Variants in DYM observed in about 807,000 individuals in gnomAD.
The protein encoded by DYM is dymeclin.
In DYM, 78 loss-of-function variants were observed where a neutral mutation model predicts 93.1. The observed-to-expected ratio is 0.84, with a 90% CI of 0.70 to 1.01. DYM has a LOEUF of 1.01. Among genes scored for constraint, DYM ranks in the 50% least tolerant of loss-of-function variants. DYM has a pLI of 0.00. For missense variants in DYM, 789 were observed against 845.0 expected (o/e 0.93, Z 0.82); for synonymous variants, 321 against 319.7 (o/e 1.00, Z -0.04).
intron 11 of DYM, among the ~76,000 whole-genome samples, chr18:49,258,942 T>G (rs1325229033): frequency 6.9e-6 from 1 of 144,460 alleles, no homozygotes; most frequent in Non-Finnish European, 1.5e-5. Flanking sequence ...CAGCCAAATC[T>G]GGGCTGCCCC....
intron 1 of DYM, among the ~76,000 whole-genome samples, chr18:49,432,920 G>A (rs975139780): frequency 6.6e-5 from 10 of 152,112 alleles, no homozygotes; most frequent in Non-Finnish European, 1.5e-4. Context: ...AATTTAACTA[G>A]AAATCTATAG....
intron 16 of DYM, among the ~76,000 whole-genome samples, chr18:49,106,520 G>A (rs995881588): frequency 6.6e-6 from 1 of 152,182 alleles, no homozygotes; most frequent in Admixed American, 6.5e-5. Flanking sequence ...TTACAATTTG[G>A]CAAGTTTTTG....
At chr18:49,448,025 T>C (rs1304397582) in intron 1 of DYM, among the ~76,000 whole-genome samples, 1 of 152,104 alleles carries the variant, frequency 6.6e-6, no homozygotes, top group African/African-American at 2.4e-5. Flanking sequence ...CCTAGTGAAA[T>C]AGGAATCCTC....
intron 15 of DYM, among the ~76,000 whole-genome samples, chr18:49,159,174 A>G (rs1329032788): frequency 3.3e-5 from 5 of 152,230 alleles, no homozygotes; most frequent in African/African-American, 4.8e-5. Flanking sequence ...AAAACAATTG[A>G]CTGAAGATAG....
chr18:49,333,252 C>T lies in DYM; in HGVS notation c.620+476G>A, dbSNP rs34811226. Among the ~76,000 whole-genome samples, 1,431 of 152,274 alleles carry T rather than the reference C, an allele frequency of 9.4e-3. 13 individuals are homozygous for T. Among genetic ancestry groups the T allele is most frequent in the South Asian group, 0.035 (170 of 4,830 alleles). On this transcript the variant is annotated intron_variant, in intron 7 of 17. Transcript: ENST00000675505. ...GAGCATAGCCCCACAGTCTAACATG[C>T]CTGGCACATGGATAGCACACAGCAA...
In DYM at chr18:49,228,223, G is replaced by A. The variant is rs563953206; in HGVS notation, c.1461-18508C>T. Among the ~76,000 whole-genome samples, 207 of 152,210 alleles carry A rather than the reference G, an allele frequency of 1.4e-3. 1 individual carries two copies. The highest frequency in any genetic ancestry group is 4.8e-3 in the African/African-American group (201 of 41,534). ...ATGTTCCATATTCAATGATCCACAAGTCATCTTATGTATGGGAGTTCTATG... is the reference window on the plus strand; with the variant it reads ...ATGTTCCATATTCAATGATCCACAAATCATCTTATGTATGGGAGTTCTATG... On this transcript the variant is annotated intron_variant, in intron 13 of 17. Transcript: ENST00000675505.
intron 2 of DYM, among the ~76,000 whole-genome samples, chr18:49,423,530 G>C (rs1465452991): frequency 6.6e-6 from 1 of 152,134 alleles, no homozygotes. Context: ...CAGAAGGCAA[G>C]AAATAACTAA....
intron 6 of DYM, among the ~76,000 whole-genome samples, chr18:49,343,992 A>T (rs1415262959): frequency 6.6e-6 from 1 of 152,090 alleles, no homozygotes; most frequent in Non-Finnish European, 1.5e-5. Context: ...GAGCCACAGT[A>T]ACAGAACTAG....
chr18:49,104,044 G>T (rs1259602566), intron 16 of DYM, among the ~76,000 whole-genome samples: 1 of 152,150 alleles, frequency 6.6e-6, no homozygotes. Flanking sequence ...CTACCCATGA[G>T]CATGGAATGT....
chr18:49,055,483 G>A (rs994092163), intron 17 of DYM, among the ~76,000 whole-genome samples: 1 of 152,224 alleles, frequency 6.6e-6, no homozygotes, highest in Admixed American at 6.5e-5. Flanking sequence ...GGGAGAAGGA[G>A]AATATTTTGA....
intron 1 of DYM, among the ~76,000 whole-genome samples, chr18:49,455,522 T>G (rs181747516): frequency 6.6e-6 from 1 of 152,270 alleles, no homozygotes; most frequent in African/African-American, 2.4e-5. Context: ...TATATATTAG[T>G]CCCATTATAC....
intron 8 of DYM, among the ~76,000 whole-genome samples, chr18:49,315,043 A>G (rs2061837228): frequency 6.6e-6 from 1 of 152,078 alleles, no homozygotes; most frequent in Non-Finnish European, 1.5e-5. Context: ...GGCAAAACCC[A>G]GTCTCTACAA....
chr18:49,252,699 G>A (rs1281585115), intron 13 of DYM, among the ~76,000 whole-genome samples: 2 of 152,152 alleles, frequency 1.3e-5, no homozygotes, highest in African/African-American at 2.4e-5. Context: ...TGAGATACTA[G>A]AGAAAACTAC....
chr18:49,326,474 TA>T (rs561655910), intron 8 of DYM, among the ~76,000 whole-genome samples: 209 of 144,782 alleles, frequency 1.4e-3, no homozygotes, highest in Admixed American at 4.5e-3. Context: ...TTGAAAAGCT[TA>T]AAAAAAAAAA....
chr18:49,186,817 TA>T (rs1280864198), intron 14 of DYM, among the ~76,000 whole-genome samples: 1 of 151,972 alleles, frequency 6.6e-6, no homozygotes, highest in African/African-American at 2.4e-5. Context: ...TAAAAAATTA[TA>T]AATCCAACCA....
At chr18:49,398,543 G>T (rs529743729) in intron 2 of DYM, among the ~76,000 whole-genome samples, 1 of 152,354 alleles carries the variant, frequency 6.6e-6, no homozygotes, top group East Asian at 1.9e-4. Context: ...GGCAGAGAAA[G>T]CCAGTTAGTA....
chr18:49,203,243 C>A (rs1248858166), intron 14 of DYM, among the ~76,000 whole-genome samples: 2 of 62,780 alleles, frequency 3.2e-5, no homozygotes, highest in Admixed American at 1.4e-4. Context: ...GGTCAGCCCC[C>A]CCTGCCCGGC....
In DYM at chr18:49,195,916, C is replaced by CTTTTTT. The variant is rs540189318; in HGVS notation, c.1625+13629_1625+13634dup. Among the ~76,000 whole-genome samples the CTTTTTT allele has an allele frequency of 2.7e-3, 224 of 84,028 alleles. 9 individuals are homozygous for CTTTTTT. The highest frequency in any genetic ancestry group is 5.9e-3 in the South Asian group (12 of 2,034). The allele number at this position is 84,028 out of a possible 152,430, so 55.1% of individuals were successfully genotyped here. On this transcript the variant is annotated intron_variant, in intron 14 of 17. Coordinates refer to ENST00000675505, the MANE Select transcript of DYM (RefSeq NM_001353214.3). The stretch of plus-strand genomic sequence containing the variant: ...ATTATGCTCTCTTGAATGCTACCAT[C>CTTTTTT]TTTTTTTTTTTTTTTTTTTTTTTTT...
chr18:49,385,870 T>G (rs1310666778), intron 3 of DYM, among the ~76,000 whole-genome samples: 1 of 151,934 alleles, frequency 6.6e-6, no homozygotes, highest in Admixed American at 6.6e-5. Flanking sequence ...TGTGAGACCC[T>G]ATTCCTTAAA....
Sources: allele counts gnomAD v4.1 joint callset (sites outside exome capture counted in the v4.1 genomes callset), GRCh38; gene constraint gnomAD v4.1.1; transcripts MANE v1.5; gene names NCBI Gene and HGNC (gene_info 2026-07-23, HGNC 2026-07-21).